Variants in BRINP3 observed in about 807,000 individuals in gnomAD.
BRINP3 encodes BMP/retinoic acid inducible neural specific 3.
Under a neutral mutation model 71.0 loss-of-function variants are expected in BRINP3, and 19 were observed. The ratio of observed to expected loss-of-function variants is 0.27; its 90% CI spans 0.19 to 0.39. The LOEUF is 0.39. Among genes scored for constraint, BRINP3 ranks in the 10% least tolerant of loss-of-function variants. The probability of loss-of-function intolerance (pLI) is 1.00; values close to 1 mark genes in which losing one functional copy is unlikely to be tolerated. For synonymous variants in BRINP3, 380 were observed against 337.7 expected, an observed-to-expected ratio of 1.13 and a Z score of -1.37; for missense variants, 959 against 940.8, an observed-to-expected ratio of 1.02 and a Z score of -0.25.
Position 190,290,114 on chromosome 1 carries a change from T to C in BRINP3, c.237-8364A>G, listed in dbSNP as rs144457013. On this transcript the variant is annotated intron_variant, in intron 2 of 7. Transcript: ENST00000367462. ...CACCCTGACTAAAGTTCACAGAAAA[T>C]CAAACTCAGTAGAGGAATATATTTC... 5.6e-3 allele frequency among the ~76,000 whole-genome samples: 852 copies of C among 152,146 alleles called. 4 individuals are homozygous for C. The highest frequency in any genetic ancestry group is 0.011 in the South Asian group (53 of 4,826).
intron 4 of BRINP3, among the ~76,000 whole-genome samples, chr1:190,251,938 A>C (rs2102818432): frequency 6.6e-6 from 1 of 151,490 alleles, no homozygotes; most frequent in South Asian, 2.1e-4. Flanking sequence ...TATTCAGACA[A>C]TGATGATTAA....
Position 190,264,976 on chromosome 1 carries a change from G to A in BRINP3, c.507C>T (p.Ser169=), listed in dbSNP as rs372324138. ...RAEGSDSTTN[S]SSVTLETLHQ... ...GTAGCGTCTCCAGAGTGACCGAAGA[G>A]CTATTGGTGGTGGAATCACTTCCTT... The change falls in exon 4 of 8, where the codon AGC becomes AGT. Residue 169 remains serine, a synonymous_variant. Coordinates refer to ENST00000367462, the MANE Select transcript of BRINP3 (RefSeq NM_199051.3). 3.1e-6 allele frequency: 5 copies of A among 1,611,228 alleles called. No homozygotes were observed. Among genetic ancestry groups the A allele is most frequent in the Middle Eastern group, 1.7e-4 (1 of 6,054 alleles).
At chr1:190,172,167 T>C (rs940375557) in intron 6 of BRINP3, among the ~76,000 whole-genome samples, 2 of 147,712 alleles carry the variant, frequency 1.4e-5, no homozygotes, top group African/African-American at 2.5e-5. Flanking sequence ...GCCTACTAGA[T>C]GAAAAATAAA....
At chr1:190,159,891 G>T (rs1657198612) in intron 7 of BRINP3, among the ~76,000 whole-genome samples, 1 of 151,476 alleles carries the variant, frequency 6.6e-6, no homozygotes, top group South Asian at 2.1e-4. Flanking sequence ...AACCTTCAGG[G>T]TTTTTTTTCC....
intron 2 of BRINP3, among the ~76,000 whole-genome samples, chr1:190,385,642 A>G (rs377197185): frequency 6.6e-6 from 1 of 151,890 alleles, no homozygotes; most frequent in Non-Finnish European, 1.5e-5. Flanking sequence ...GGGACTGTAA[A>G]CTAGTTCAAC....
intron 2 of BRINP3, among the ~76,000 whole-genome samples, chr1:190,443,667 C>T (rs955339488): frequency 2.6e-5 from 4 of 152,078 alleles, no homozygotes; most frequent in Admixed American, 6.5e-5. Flanking sequence ...CCTCCCTTTC[C>T]GCATTTGGCT....
intron 4 of BRINP3, among the ~76,000 whole-genome samples, chr1:190,250,744 C>G (rs892610677): frequency 2.0e-5 from 3 of 151,910 alleles, no homozygotes; most frequent in African/African-American, 7.2e-5. Flanking sequence ...GCAATGTTCC[C>G]CTTGACATAT....
chr1:190,417,525 C>T (rs72731156), intron 2 of BRINP3, among the ~76,000 whole-genome samples: 19,748 of 151,630 alleles, frequency 0.13, 1,389 homozygotes, highest in Non-Finnish European at 0.13. Context: ...TTAATACTTC[C>T]CAGGAAGTTA....
intron 7 of BRINP3, among the ~76,000 whole-genome samples, chr1:190,104,017 C>T (rs1557969349): frequency 4.6e-5 from 7 of 151,248 alleles, no homozygotes; most frequent in Admixed American, 2.6e-4. Context: ...AGTTACATAT[C>T]TATTAAGCAT....
intron 6 of BRINP3, among the ~76,000 whole-genome samples, chr1:190,184,507 T>C (rs564627518): frequency 6.6e-6 from 1 of 152,186 alleles, no homozygotes; most frequent in East Asian, 1.9e-4. Context: ...ATGGATTAGA[T>C]AAATAAAATG....
rs187785933 is a variant in BRINP3, at chr1:190,209,217, G to T, written c.961+16865C>A. Among the ~76,000 whole-genome samples, 44 of 152,194 alleles carry T rather than the reference G, an allele frequency of 2.9e-4. No individual in the cohort carries two copies. The East Asian group carries it at 7.0e-3, about 24-fold the overall frequency. On this transcript the variant is annotated intron_variant, in intron 6 of 7. Transcript: ENST00000367462. The stretch of plus-strand genomic sequence containing the variant: ...TTCAGTATAGACTAGTTTTGCCAAA[G>T]TAACAAACACAACCAAAGTGTTTTC...
rs527765960 is a variant in BRINP3 at position 190,135,431 on chromosome 1, GT to G, written c.1184+25236del. 1.3e-3 allele frequency among the ~76,000 whole-genome samples: 197 copies of G among 152,122 alleles called. 1 individual carries two copies. The highest frequency in any genetic ancestry group is 4.6e-3 in the African/African-American group (192 of 41,540). On this transcript the variant is annotated intron_variant, in intron 7 of 7. Coordinates refer to ENST00000367462, the MANE Select transcript of BRINP3 (RefSeq NM_199051.3). The stretch of plus-strand genomic sequence containing the variant: ...TCTTTTCCAAAGCATTTAGAAATTT[GT>G]TATAATTTTTAATATAGTGGTTATA...
chr1:190,117,477 C>G (rs1653244572), intron 7 of BRINP3, among the ~76,000 whole-genome samples: 1 of 151,944 alleles, frequency 6.6e-6, no homozygotes, highest in Non-Finnish European at 1.5e-5. Context: ...TATTTTTTAG[C>G]TAGCCTCAAA....
chr1:190,180,381 T>A (rs1652922503), intron 6 of BRINP3, among the ~76,000 whole-genome samples: 1 of 152,140 alleles, frequency 6.6e-6, no homozygotes, highest in Non-Finnish European at 1.5e-5. Context: ...ACTTTGGGGT[T>A]TAAGCATGAA....
chr1:190,098,445 A>G lies in BRINP3; in HGVS notation c.1874T>C (p.Val625Ala), dbSNP rs1335145914. 1 of 1,613,998 alleles carries G rather than the reference A, an allele frequency of 6.2e-7. No individual in the cohort carries two copies. Among genetic ancestry groups the G allele is most frequent in the East Asian group, 2.2e-5 (1 of 44,878 alleles). Residue 625 changes from valine to alanine, a missense_variant, in exon 8 of 8, where the codon GTA becomes GCA. Val to Ala is a moderately conservative substitution (Grantham distance 64). Transcript: ENST00000367462. ...GNKWKTFFET[V>A]HIYLRSRIKS... is the part of the protein sequence containing the mutation. ...GATGCGACTTCTCAGGTAGATGTGTACTGTCTCAAAAAATGTCTTCCATTT... is the reference window on the plus strand; with the variant it reads ...GATGCGACTTCTCAGGTAGATGTGTGCTGTCTCAAAAAATGTCTTCCATTT...
chr1:190,229,958 A>AT (rs1435465679), intron 5 of BRINP3, among the ~76,000 whole-genome samples: 3 of 152,004 alleles, frequency 2.0e-5, no homozygotes, highest in Non-Finnish European at 2.9e-5. Context: ...AAAACAGACA[A>AT]TATGGCAAGG....
intron 4 of BRINP3, among the ~76,000 whole-genome samples, chr1:190,255,380 C>A (rs781730521): frequency 6.6e-6 from 1 of 151,980 alleles, no homozygotes; most frequent in Non-Finnish European, 1.5e-5. Context: ...CTTTGTACCC[C>A]TGGTATAATT....
chr1:190,294,322 A>G (rs551838997), intron 2 of BRINP3, among the ~76,000 whole-genome samples: 14 of 151,470 alleles, frequency 9.2e-5, no homozygotes, highest in Non-Finnish European at 1.3e-4. Flanking sequence ...GCAGTTGCAC[A>G]ATCATGGCTC....
At chr1:190,311,092 T>C (rs932795373) in intron 2 of BRINP3, among the ~76,000 whole-genome samples, 2 of 151,738 alleles carry the variant, frequency 1.3e-5, no homozygotes, top group Non-Finnish European at 3.0e-5. Flanking sequence ...ACTTTCTTTC[T>C]GACTCTGGGT....
Sources: gnomAD v4.1 joint callset for allele counts (sites outside exome capture counted in the v4.1 genomes callset) on GRCh38, gnomAD v4.1.1 for gene constraint, MANE v1.5 for transcripts, NCBI Gene and HGNC (gene_info 2026-07-23, HGNC 2026-07-21) for gene names.